RAB38: variants seen among roughly 807,000 people sequenced by gnomAD.
RAB38 encodes the protein RAB38, member RAS oncogene family.
A neutral mutation model predicts 18.4 loss-of-function variants in RAB38; 15 were observed. That is an observed-to-expected ratio of 0.82 (90% CI 0.55 to 1.26). RAB38 has a LOEUF of 1.26. Among genes scored for constraint, RAB38 ranks in the 50% most tolerant of loss-of-function variants. The pLI is 0.00. For synonymous variants in RAB38, 101 were observed against 104.4 expected (o/e 0.97, Z 0.20); for missense variants, 294 against 267.4 (o/e 1.10, Z -0.69).
chr11:88,080,954 C>G, the RAB38 span, among the ~76,000 whole-genome samples: 2 of 151,484 alleles, frequency 1.3e-5, no homozygotes, highest in African/African-American at 4.8e-5. Context: ...CCCTACCTGC[C>G]AACATACTTA....
the RAB38 span, among the ~76,000 whole-genome samples, chr11:87,925,889 C>T: frequency 4.1e-4 from 62 of 152,044 alleles, no homozygotes; most frequent in South Asian, 0.012. Context: ...GATTTTGACA[C>T]GAACTCATCT....
At chr11:88,092,127 G>A in the RAB38 span, among the ~76,000 whole-genome samples, 1 of 151,534 alleles carries the variant, frequency 6.6e-6, no homozygotes, top group Non-Finnish European at 1.5e-5. Flanking sequence ...GCCATATTCT[G>A]GTTTCTACTG....
intron 2 of RAB38, among the ~76,000 whole-genome samples, chr11:88,123,279 T>C (rs1942652603): frequency 6.6e-6 from 1 of 152,168 alleles, no homozygotes; most frequent in African/African-American, 2.4e-5. Context: ...TGCCCCATCC[T>C]GGTGTCTAGC....
the RAB38 span, among the ~76,000 whole-genome samples, chr11:88,034,845 T>A: frequency 6.6e-6 from 1 of 152,230 alleles, no homozygotes; most frequent in African/African-American, 2.4e-5. Flanking sequence ...AAATTTACAT[T>A]TATGTTAGTA....
the RAB38 span, among the ~76,000 whole-genome samples, chr11:88,046,391 C>G: frequency 6.6e-6 from 1 of 152,154 alleles, no homozygotes; most frequent in Admixed American, 6.5e-5. Flanking sequence ...CTCTCCTATC[C>G]TCAATACCTC....
At chr11:88,046,970 C>A in the RAB38 span, among the ~76,000 whole-genome samples, 1 of 152,136 alleles carries the variant, frequency 6.6e-6, no homozygotes. Flanking sequence ...AGGACTGGGA[C>A]CATGCCCTGT....
the RAB38 span, among the ~76,000 whole-genome samples, chr11:88,053,248 T>TATATATGGAATATATATATACACACAC: frequency 7.9e-5 from 8 of 101,028 alleles, 3 homozygotes; most frequent in East Asian, 1.8e-3. Flanking sequence ...TATACACACA[T>TATATATGGAATATATATATACACACAC]ATATATGGAA....
At chr11:87,944,285 C>T in the RAB38 span, among the ~76,000 whole-genome samples, 1 of 151,982 alleles carries the variant, frequency 6.6e-6, no homozygotes, top group African/African-American at 2.4e-5. Context: ...AACAAAAAAA[C>T]AAAAAGCATT....
the RAB38 span, among the ~76,000 whole-genome samples, chr11:87,971,921 CGTTT>C: frequency 8.6e-5 from 8 of 93,470 alleles, no homozygotes; most frequent in African/African-American, 3.5e-5. Flanking sequence ...TGTGTAAAAG[CGTTT>C]TTTTTTTTTT....
chr11:88,033,783 A>T, the RAB38 span, among the ~76,000 whole-genome samples: 1 of 137,986 alleles, frequency 7.2e-6, no homozygotes, highest in Admixed American at 7.9e-5. Context: ...GCTGGAGTAC[A>T]GTGGCGCAAT....
the RAB38 span, among the ~76,000 whole-genome samples, chr11:87,881,246 G>A: frequency 1.3e-5 from 2 of 151,772 alleles, no homozygotes; most frequent in African/African-American, 2.4e-5. Flanking sequence ...ATAATACACT[G>A]CCCCTGCTGC....
chr11:87,857,468 ACAGTC>A, the RAB38 span, among the ~76,000 whole-genome samples: 1 of 152,208 alleles, frequency 6.6e-6, no homozygotes, highest in East Asian at 1.9e-4. Context: ...GAACTAGTTT[ACAGTC>A]CCACCAACAG....
chr11:87,860,157 A>G, the RAB38 span, among the ~76,000 whole-genome samples: 6 of 152,118 alleles, frequency 3.9e-5, no homozygotes, highest in South Asian at 1.2e-3. Flanking sequence ...TAAAGTGCTC[A>G]CTATACTAGA....
the RAB38 span, among the ~76,000 whole-genome samples, chr11:87,964,859 C>A: frequency 6.6e-6 from 1 of 151,964 alleles, no homozygotes; most frequent in Non-Finnish European, 1.5e-5. Context: ...ACTTATTTCA[C>A]TAAAAAAATT....
At chr11:88,005,398 T>TA in the RAB38 span, among the ~76,000 whole-genome samples, 6 of 131,098 alleles carry the variant, frequency 4.6e-5, no homozygotes, top group African/African-American at 8.8e-5. Context: ...TAAAAACCAT[T>TA]AAAAAAAATA....
chr11:88,108,419 T>C (rs1336222715), downstream of RAB38, among the ~76,000 whole-genome samples: 1 of 152,250 alleles, frequency 6.6e-6, no homozygotes, highest in African/African-American at 2.4e-5. Flanking sequence ...AAATCTGTTT[T>C]ATCAGACACT....
the RAB38 span, among the ~76,000 whole-genome samples, chr11:88,007,923 G>A: frequency 6.6e-6 from 1 of 152,106 alleles, no homozygotes; most frequent in African/African-American, 2.4e-5. Flanking sequence ...ATGAACCACT[G>A]TAAATGAAAC....
the RAB38 span, among the ~76,000 whole-genome samples, chr11:88,088,922 G>C: frequency 6.9e-6 from 1 of 144,466 alleles, no homozygotes; most frequent in African/African-American, 2.6e-5. Flanking sequence ...AATAGAGTTG[G>C]AGGAGAAAAA....
At chr11:88,025,433 T>G in the RAB38 span, among the ~76,000 whole-genome samples, 1 of 152,260 alleles carries the variant, frequency 6.6e-6, no homozygotes, top group East Asian at 1.9e-4. Context: ...TAGCTCTGCT[T>G]TACGCTCTTT....
Sources: allele counts gnomAD v4.1 joint callset (sites outside exome capture counted in the v4.1 genomes callset), GRCh38; gene constraint gnomAD v4.1.1; transcripts MANE v1.5; gene names NCBI Gene and HGNC (gene_info 2026-07-23, HGNC 2026-07-21).